Variants in POU2AF3 observed in about 807,000 individuals in gnomAD.
POU2AF3 encodes cancer susceptibility candidate 13.
At chr11:111,308,400 A>C in the POU2AF3 span, 1 of 1,551,364 alleles carries the variant, frequency 6.4e-7, no homozygotes, top group South Asian at 1.2e-5. Context: ...AGTGATTTCT[A>C]TAAGAGGGAA....
At chr11:111,298,728 G>C in the POU2AF3 span, 1 of 1,102,608 alleles carries the variant, frequency 9.1e-7, no homozygotes, top group Non-Finnish European at 1.2e-6. Flanking sequence ...ATCCGGAGAG[G>C]ACGCGAGCCA....
At chr11:111,299,093 G>A in the POU2AF3 span, 1 of 976,880 alleles carries the variant, frequency 1.0e-6, no homozygotes, top group Non-Finnish European at 1.2e-6. Flanking sequence ...CGGCGCCTGG[G>A]CCCTGCGGGC....
the POU2AF3 span, chr11:111,299,403 G>T: frequency 9.0e-6 from 9 of 1,005,464 alleles, no homozygotes; most frequent in Non-Finnish European, 9.5e-6. Context: ...TTGAAAGCTC[G>T]CCCGGCTCGG....
At chr11:111,299,219 G>T in the POU2AF3 span, 1 of 981,918 alleles carries the variant, frequency 1.0e-6, no homozygotes, top group Non-Finnish European at 1.2e-6. Context: ...TGCGGTCCCC[G>T]CAGTGACCAG....
At chr11:111,298,826 G>GCGGCCCC in the POU2AF3 span, 1 of 790,962 alleles carries the variant, frequency 1.3e-6, no homozygotes, top group Non-Finnish European at 1.7e-6. Flanking sequence ...CGTACCCCAG[G>GCGGCCCC]CCCCCGCCCG....
the POU2AF3 span, chr11:111,299,357 C>T: frequency 1.0e-6 from 1 of 991,686 alleles, no homozygotes; most frequent in African/African-American, 1.7e-5. Context: ...GTGGTCAGGG[C>T]CGGAGCCGCC....
At chr11:111,299,188 G>A in the POU2AF3 span, 2 of 965,152 alleles carry the variant, frequency 2.1e-6, no homozygotes, top group Non-Finnish European at 2.5e-6. Flanking sequence ...CCCGGCTTGA[G>A]GGGGATCCCT....
the POU2AF3 span, among the ~76,000 whole-genome samples, chr11:111,300,871 A>T: frequency 6.6e-6 from 1 of 152,254 alleles, no homozygotes; most frequent in Non-Finnish European, 1.5e-5. Context: ...AGTAAAGTAT[A>T]AAAAGTGCGT....
At chr11:111,307,702 T>A in the POU2AF3 span, among the ~76,000 whole-genome samples, 86 of 152,354 alleles carry the variant, frequency 5.6e-4, no homozygotes, top group African/African-American at 2.0e-3. Flanking sequence ...TGGAGAAACA[T>A]CCAGGGTGCC....
At chr11:111,301,381 T>C in the POU2AF3 span, among the ~76,000 whole-genome samples, 2 of 152,180 alleles carry the variant, frequency 1.3e-5, no homozygotes, top group African/African-American at 4.8e-5. Flanking sequence ...AATCATACAA[T>C]TGCTTGGGGG....
At chr11:111,298,827 C>CGGGGGCGG in the POU2AF3 span, 2 of 631,560 alleles carry the variant, frequency 3.2e-6, no homozygotes, top group Non-Finnish European at 4.5e-6. Flanking sequence ...GTACCCCAGG[C>CGGGGGCGG]CCCCGCCCGC....
chr11:111,308,045 G>C, the POU2AF3 span: 1 of 1,470,940 alleles, frequency 6.8e-7, no homozygotes, highest in African/African-American at 1.4e-5. Context: ...TAAGCTCTTT[G>C]TTTCTTGGTT....
the POU2AF3 span, chr11:111,298,744 T>C: frequency 9.1e-7 from 1 of 1,102,284 alleles, no homozygotes; most frequent in Non-Finnish European, 1.2e-6. Flanking sequence ...AGCCACGCTG[T>C]GGCCGCTCCC....
At chr11:111,307,967 A>T in the POU2AF3 span, 9 of 1,087,546 alleles carry the variant, frequency 8.3e-6, no homozygotes, top group Non-Finnish European at 1.1e-5. Flanking sequence ...TTGGTTTTTT[A>T]CCCCTCATTT....
the POU2AF3 span, among the ~76,000 whole-genome samples, chr11:111,301,259 T>C: frequency 6.6e-6 from 1 of 152,212 alleles, no homozygotes; most frequent in African/African-American, 2.4e-5. Flanking sequence ...CCTGACACTT[T>C]ATACACCTTC....
At chr11:111,299,558 C>T in the POU2AF3 span, 2 of 1,206,126 alleles carry the variant, frequency 1.7e-6, no homozygotes, top group Non-Finnish European at 2.1e-6. Context: ...CCGGGGCAGT[C>T]CGACCGGGCC....
At chr11:111,308,120 A>C in the POU2AF3 span, 1 of 1,546,590 alleles carries the variant, frequency 6.5e-7, no homozygotes. Context: ...CTTAGACTAC[A>C]GTTACTCGCC....
At chr11:111,300,762 TG>T in the POU2AF3 span, 1 of 381,668 alleles carries the variant, frequency 2.6e-6, no homozygotes, top group Non-Finnish European at 4.5e-6. Context: ...CTATGACTTC[TG>T]TACCCAGCTG....
At chr11:111,302,051 C>T in the POU2AF3 span, among the ~76,000 whole-genome samples, 3 of 152,182 alleles carry the variant, frequency 2.0e-5, no homozygotes, top group Non-Finnish European at 4.4e-5. Flanking sequence ...AGTGGTTCTT[C>T]TTTTAAAGCA....
Sources: gnomAD v4.1 joint callset for allele counts (sites outside exome capture counted in the v4.1 genomes callset) on GRCh38, gnomAD v4.1.1 for gene constraint, MANE v1.5 for transcripts, NCBI Gene and HGNC (gene_info 2026-07-23, HGNC 2026-07-21) for gene names.